The following DOCK8 variants were observed in gnomAD, a reference collection of about 807,000 sequenced individuals.
DOCK8 encodes the protein dedicator of cytokinesis 8, also known as dedicator of cytokinesis protein 8.
A neutral mutation model predicts 245.6 loss-of-function variants in DOCK8; 141 were observed. That is an observed-to-expected ratio of 0.57 (90% CI 0.50 to 0.66). The LOEUF is 0.66. Ranked by LOEUF, DOCK8 falls within the 30% of genes least tolerant of loss-of-function variation. The pLI, the probability that DOCK8 is intolerant of heterozygous loss-of-function variation, is 0.00. For missense variants in DOCK8, 2,965 were observed against 2,603.4 expected (o/e 1.14, Z -3.02); for synonymous variants, 1,168 against 970.2 (o/e 1.20, Z -3.79).
At chr9:439,101 C>G (rs984451443) in intron 39 of DOCK8, 144 bp from the exon 40 acceptor site, 1 of 1,024,936 alleles carries the variant, frequency 9.8e-7, no homozygotes, top group Non-Finnish European at 1.5e-6. Context: ...CAGATACTCT[C>G]GGGGTAGAAT....
chr9:420,203 G>C lies in DOCK8; in HGVS notation c.3841-198G>C, dbSNP rs2360706. 515,374 of 650,234 alleles carry C rather than the reference G, an allele frequency of 0.79. 205,561 individuals are homozygous for C. Among genetic ancestry groups the C allele is most frequent in the East Asian group, 1 (35,907 of 35,994 alleles). 40.3% of individuals were successfully genotyped at this position (650,234 alleles called of 1,614,324 possible). On this transcript the variant is annotated intron_variant, in intron 30 of 47. Transcript: ENST00000432829. ...CAGGTGAGCCTCTTTGCTGAGTAGC[G>C]CTACTCAAAGAACACAGCTTCCCCT...
chr9:439,176 C>T lies in DOCK8; in HGVS notation c.5080-69C>T, dbSNP rs552231171. 38 of 1,603,150 alleles carry T rather than the reference C, an allele frequency of 2.4e-5. No homozygotes were observed. The African/African-American group carries it at 3.5e-4, about 15-fold the overall frequency. On this transcript the variant is annotated intron_variant, in intron 39 of 47. Transcript: ENST00000432829. ...ACACCAGCTTCCTCGTTTCCCCATT[C>T]GGGGTTCCTGTGGTCTCTTACTAGT...
At chr9:332,075 G>A (rs894128215) in intron 9 of DOCK8, among the ~76,000 whole-genome samples, 1 of 152,006 alleles carries the variant, frequency 6.6e-6, no homozygotes, top group Non-Finnish European at 1.5e-5. Context: ...CATAATACAT[G>A]TTTATTGTTT....
In DOCK8 at chr9:248,545, CTT is replaced by C. The variant is rs1285096817; in HGVS notation, c.54-23080_54-23079del. On this transcript the variant is annotated intron_variant, in intron 1 of 47. Transcript: ENST00000432829. ...CCTCCCTCTCTCTCTTTCTTTCTTT[CTT>C]TCTCTCTCTCTCTCTTTCTTTCTTT... 6.1e-4 allele frequency among the ~76,000 whole-genome samples: 38 copies of C among 62,600 alleles called. No individual in the cohort carries two copies. In the South Asian group the frequency reaches 0.011, roughly 18 times the overall value. 41.1% of individuals were successfully genotyped at this position (62,600 alleles called of 152,430 possible). A position where few individuals can be genotyped will look rare whatever the true frequency, so the allele number is the denominator to read the frequency against.
chr9:228,309 T>C (rs561877932), intron 1 of DOCK8, among the ~76,000 whole-genome samples: 2 of 152,314 alleles, frequency 1.3e-5, no homozygotes, highest in Admixed American at 1.3e-4. Flanking sequence ...CTGTGCTGTC[T>C]AATATGCAAC....
intron 25 of DOCK8, 104 bp downstream of exon 25, chr9:397,038 A>G: frequency 4.6e-6 from 6 of 1,308,750 alleles, no homozygotes; most frequent in African/African-American, 1.5e-5. Flanking sequence ...TAATTAAAAT[A>G]TAACTGTAAT....
chr9:289,602 T>C lies in DOCK8; in HGVS notation c.404+21T>C, dbSNP rs745520448. The C allele has an allele frequency of 6.3e-6, 10 of 1,590,472 alleles. No homozygotes were observed. The Admixed American group carries it at 1.7e-4, about 27-fold the overall frequency. The stretch of plus-strand genomic sequence containing the variant: ...CGGAAGTAAGTTACTTTTTTTCCAC[T>C]TTTTGTATATAAATATTAATTTTAT... On this transcript the variant is annotated intron_variant, in intron 4 of 47. Transcript: ENST00000432829.
chr9:403,812 C>T (rs1480077383), intron 26 of DOCK8, among the ~76,000 whole-genome samples: 1 of 148,960 alleles, frequency 6.7e-6, no homozygotes, highest in Non-Finnish European at 1.5e-5. Flanking sequence ...TTGCAGTGAG[C>T]CGAGATCATG....
intron 1 of DOCK8, among the ~76,000 whole-genome samples, chr9:242,562 G>C (rs1019580669): frequency 2.0e-5 from 3 of 152,144 alleles, no homozygotes; most frequent in African/African-American, 7.2e-5. Context: ...TATAAGTCTT[G>C]TAATAGCCCA....
chr9:236,702 G>C (rs377545148), intron 1 of DOCK8, among the ~76,000 whole-genome samples: 3 of 152,116 alleles, frequency 2.0e-5, no homozygotes, highest in Non-Finnish European at 2.9e-5. Flanking sequence ...CTCAGTGAAC[G>C]AAACCAACAA....
At chr9:240,393 A>G (rs74405670) in intron 1 of DOCK8, among the ~76,000 whole-genome samples, 1 of 151,562 alleles carries the variant, frequency 6.6e-6, no homozygotes, top group Non-Finnish European at 1.5e-5. Context: ...TTTTTTTTTA[A>G]TGAATGTTTT....
chr9:410,178 G>A (rs2055655353), intron 28 of DOCK8, among the ~76,000 whole-genome samples: 1 of 152,012 alleles, frequency 6.6e-6, no homozygotes, highest in African/African-American at 2.4e-5. Context: ...AGTGTAAAGT[G>A]CGATTAATAT....
chr9:311,806 A>G (rs1451234196), intron 5 of DOCK8, 148 bp from the exon 6 acceptor site: 5 of 974,886 alleles, frequency 5.1e-6, no homozygotes, highest in South Asian at 2.6e-5. Flanking sequence ...TGTCATTCTT[A>G]TCAAATCCGC....
chr9:403,244 G>A (rs1003735265), intron 26 of DOCK8, among the ~76,000 whole-genome samples: 1 of 152,138 alleles, frequency 6.6e-6, no homozygotes, highest in African/African-American at 2.4e-5. Context: ...ACCCATAGTG[G>A]GGCCTTCTTT....
At chr9:393,938 C>A (rs7042777) in intron 24 of DOCK8, among the ~76,000 whole-genome samples, 1 of 152,128 alleles carries the variant, frequency 6.6e-6, no homozygotes, top group Non-Finnish European at 1.5e-5. Flanking sequence ...CTGGCAGAAG[C>A]CTTTCTCTAT....
chr9:302,254 C>T (rs1310123770), intron 4 of DOCK8, among the ~76,000 whole-genome samples: 2 of 152,332 alleles, frequency 1.3e-5, no homozygotes, highest in South Asian at 2.1e-4. Flanking sequence ...GAGGAAAGGT[C>T]TCCCTATTCA....
intron 9 of DOCK8, among the ~76,000 whole-genome samples, chr9:329,124 G>A (rs2050894478): frequency 6.6e-6 from 1 of 151,790 alleles, no homozygotes; most frequent in East Asian, 1.9e-4. Context: ...GCTAATTTTT[G>A]TATTTTTAGT....
At chr9:239,800 T>G (rs1000462247) in intron 1 of DOCK8, among the ~76,000 whole-genome samples, 1 of 152,242 alleles carries the variant, frequency 6.6e-6, no homozygotes, top group African/African-American at 2.4e-5. Context: ...TGCTTATATA[T>G]TGTATCATAA....
At chr9:461,133 G>C (rs10815000) in intron 46 of DOCK8, among the ~76,000 whole-genome samples, 69,167 of 151,738 alleles carry the variant, frequency 0.46, 18,633 homozygotes, top group Non-Finnish European at 0.62. Context: ...GAAAACACCA[G>C]GTTTAACGGT....
Sources: allele counts gnomAD v4.1 joint callset (sites outside exome capture counted in the v4.1 genomes callset), GRCh38; gene constraint gnomAD v4.1.1; transcripts MANE v1.5; gene names NCBI Gene and HGNC (gene_info 2026-07-23, HGNC 2026-07-21).